Variants in TRPM3 observed in about 807,000 individuals in gnomAD.
The protein encoded by TRPM3 is long transient receptor potential channel 3.
In TRPM3, 77 loss-of-function variants were observed where a neutral mutation model predicts 181.2. The ratio of observed to expected loss-of-function variants is 0.42; its 90% confidence interval spans 0.35 to 0.51. TRPM3 has a LOEUF of 0.51. Among genes scored for constraint, TRPM3 ranks in the 20% least tolerant of loss-of-function variants. The pLI, the probability that TRPM3 is intolerant of heterozygous loss-of-function variation, is 0.01. For missense variants in TRPM3, 1,759 were observed against 2,196.7 expected, an observed-to-expected ratio of 0.80 and a Z score of 3.98; for synonymous variants, 745 against 796.4, an observed-to-expected ratio of 0.94 and a Z score of 1.09.
intron 1 of TRPM3, among the ~76,000 whole-genome samples, chr9:71,292,499 A>C (rs1051181354): frequency 6.6e-6 from 1 of 151,978 alleles, no homozygotes; most frequent in African/African-American, 2.4e-5. Context: ...ATAAACAATA[A>C]ACTATGAAAA....
intron 1 of TRPM3, among the ~76,000 whole-genome samples, chr9:71,428,756 T>C (rs1223552662): frequency 1.3e-5 from 2 of 152,126 alleles, no homozygotes; most frequent in African/African-American, 4.8e-5. Flanking sequence ...TTTTAAAATA[T>C]CAAGAGCAAC....
chr9:71,150,511 T>C (rs1160372376), intron 1 of TRPM3, among the ~76,000 whole-genome samples: 3 of 152,162 alleles, frequency 2.0e-5, no homozygotes, highest in Admixed American at 1.3e-4. Context: ...ATAGTTTCAA[T>C]ACTATGTCAA....
At chr9:71,398,566 C>T (rs2093256963) in intron 1 of TRPM3, among the ~76,000 whole-genome samples, 1 of 152,146 alleles carries the variant, frequency 6.6e-6, no homozygotes, top group Non-Finnish European at 1.5e-5. Context: ...AAGTGTATGT[C>T]ACTTCCCCCA....
chr9:70,815,293 C>T (rs1432143831), intron 6 of TRPM3, among the ~76,000 whole-genome samples: 1 of 151,628 alleles, frequency 6.6e-6, no homozygotes, highest in African/African-American at 2.4e-5. Context: ...TGTTTAGTTG[C>T]TTACTGATGA....
chr9:70,615,827 T>G (rs1778023081), intron 18 of TRPM3, 81 bp downstream of exon 18: 2 of 1,386,304 alleles, frequency 1.4e-6, no homozygotes, highest in East Asian at 2.3e-5. Context: ...ACCTAAGGAG[T>G]TACTGAATCT....
chr9:70,972,155 T>C (rs1275401984), intron 1 of TRPM3, among the ~76,000 whole-genome samples: 2 of 152,194 alleles, frequency 1.3e-5, no homozygotes, highest in Non-Finnish European at 2.9e-5. Flanking sequence ...GCCGCATCAT[T>C]CATAATAAAA....
At chr9:71,112,542 T>A (rs2071355046) in intron 1 of TRPM3, among the ~76,000 whole-genome samples, 1 of 152,170 alleles carries the variant, frequency 6.6e-6, no homozygotes, top group East Asian at 1.9e-4. Context: ...ACCATTTGGT[T>A]CCTCTGAGTA....
chr9:71,244,618 T>G (rs963429837), intron 1 of TRPM3, among the ~76,000 whole-genome samples: 7 of 152,182 alleles, frequency 4.6e-5, no homozygotes, highest in African/African-American at 1.4e-4. Flanking sequence ...ACACTGTACT[T>G]TACTTTTTAT....
intron 1 of TRPM3, among the ~76,000 whole-genome samples, chr9:70,906,469 T>C (rs1222751168): frequency 6.6e-6 from 1 of 152,178 alleles, no homozygotes; most frequent in Non-Finnish European, 1.5e-5. Flanking sequence ...TGCCATCTTT[T>C]TGTTAAATTT....
intron 1 of TRPM3, among the ~76,000 whole-genome samples, chr9:71,187,834 T>C (rs11142717): frequency 0.24 from 36,325 of 151,370 alleles, 5,054 homozygotes; most frequent in African/African-American, 0.36. Flanking sequence ...GAACATATTC[T>C]CCATATTCTT....
At chr9:71,230,894 G>A (rs2081007123) in intron 1 of TRPM3, among the ~76,000 whole-genome samples, 1 of 152,040 alleles carries the variant, frequency 6.6e-6, no homozygotes, top group African/African-American at 2.4e-5. Flanking sequence ...TTGGCTTCTG[G>A]GCTGTCTATC....
At chr9:71,055,940 T>C (rs542924108) in intron 1 of TRPM3, among the ~76,000 whole-genome samples, 142 of 152,092 alleles carry the variant, frequency 9.3e-4, no homozygotes, top group African/African-American at 3.1e-3. Flanking sequence ...AATAACCTAA[T>C]AGCTTTACCT....
At chr9:70,666,768 C>A (rs1590010735) in intron 9 of TRPM3, among the ~76,000 whole-genome samples, 1 of 152,254 alleles carries the variant, frequency 6.6e-6, no homozygotes, top group Non-Finnish European at 1.5e-5. Context: ...TTCTTACAAC[C>A]TGAAAATGTA....
At chr9:71,058,878 G>C (rs1174732343) in intron 1 of TRPM3, among the ~76,000 whole-genome samples, 1 of 151,894 alleles carries the variant, frequency 6.6e-6, no homozygotes, top group Admixed American at 6.6e-5. Flanking sequence ...TCTGTATCCA[G>C]ACTATAAAAG....
chr9:70,858,807 C>A (rs905156505), intron 3 of TRPM3, among the ~76,000 whole-genome samples: 18 of 151,810 alleles, frequency 1.2e-4, no homozygotes, highest in African/African-American at 4.1e-4. Flanking sequence ...TCTTAAAATT[C>A]TTAATAATTT....
chr9:71,414,173 C>T (rs190098551), intron 1 of TRPM3, among the ~76,000 whole-genome samples: 7 of 152,086 alleles, frequency 4.6e-5, no homozygotes, highest in Admixed American at 2.6e-4. Flanking sequence ...CTGTGGTCTA[C>T]AAAGCTAAAA....
chr9:70,589,223 C>A (rs560612047), intron 22 of TRPM3, among the ~76,000 whole-genome samples: 18 of 152,280 alleles, frequency 1.2e-4, no homozygotes, highest in African/African-American at 3.4e-4. Flanking sequence ...TACAATCAGC[C>A]CTTCTTTTAA....
In TRPM3 at chr9:71,158,560, A is replaced by G. The variant is rs138545389; in HGVS notation, c.183+288093T>C. On this transcript the variant is annotated intron_variant, in intron 1 of 24. Transcript: ENST00000357533. ...TTGAATCTGAGCAACATGAACTAAT[A>G]TCGAATAAGCAGTGCACTTGGGAAA... Among the ~76,000 whole-genome samples the G allele has an allele frequency of 2.0e-3, 307 of 152,330 alleles. 2 individuals carry two copies. Among genetic ancestry groups the G allele is most frequent in the Non-Finnish European group, 3.6e-3 (247 of 68,028 alleles).
intron 1 of TRPM3, among the ~76,000 whole-genome samples, chr9:71,222,354 C>T (rs996100072): frequency 2.0e-5 from 3 of 152,114 alleles, no homozygotes; most frequent in African/African-American, 7.2e-5. Flanking sequence ...AAGAGGTGGT[C>T]CTTTGTTCAT....
Sources: allele counts gnomAD v4.1 joint callset (sites outside exome capture counted in the v4.1 genomes callset), GRCh38; gene constraint gnomAD v4.1.1; transcripts MANE v1.5; gene names NCBI Gene and HGNC (gene_info 2026-07-23, HGNC 2026-07-21).